GPR158: variants seen among roughly 807,000 people sequenced by gnomAD.
The protein encoded by GPR158 is G protein-coupled receptor 158.
A neutral mutation model predicts 78.2 loss-of-function variants in GPR158; 30 were observed. That is an observed-to-expected ratio of 0.38 (90% CI 0.29 to 0.52). GPR158 has a LOEUF of 0.52. GPR158 is among the 20% of genes least tolerant of loss of function. The probability of loss-of-function intolerance (pLI) is 0.83; values close to 1 mark genes in which losing one functional copy is unlikely to be tolerated. For missense variants in GPR158, 1,463 were observed against 1,523.5 expected, an observed-to-expected ratio of 0.96 and a Z score of 0.66; for synonymous variants, 581 against 591.1, an observed-to-expected ratio of 0.98 and a Z score of 0.25.
chr10:25,298,597 C>T (rs976046634), intron 2 of GPR158, among the ~76,000 whole-genome samples: 4 of 152,016 alleles, frequency 2.6e-5, no homozygotes, highest in African/African-American at 9.7e-5. Context: ...TTTATTTTTT[C>T]CTTTATCAGC....
intron 1 of GPR158, among the ~76,000 whole-genome samples, chr10:25,198,512 A>T (rs952715023): frequency 3.3e-5 from 5 of 152,180 alleles, no homozygotes; most frequent in Non-Finnish European, 7.3e-5. Flanking sequence ...GGATAGTTAC[A>T]TTCTTGGAAA....
intron 3 of GPR158, among the ~76,000 whole-genome samples, chr10:25,403,149 GC>G (rs905069660): frequency 6.6e-6 from 1 of 151,854 alleles, no homozygotes; most frequent in African/African-American, 2.4e-5. Context: ...TTGAATAAAT[GC>G]ACTGTGGTTT....
chr10:25,415,539 A>T (rs951494857), intron 4 of GPR158, among the ~76,000 whole-genome samples: 1 of 152,118 alleles, frequency 6.6e-6, no homozygotes, highest in East Asian at 1.9e-4. Context: ...ACTCTCATTC[A>T]TTCCTGTTGG....
rs1270659681 is a variant in GPR158 at position 25,372,172 on chromosome 10, T to C, written c.1009-23739T>C. Reference sequence around the variant, plus strand: ...ACCACAATGAGATACCATCTCATACTGGTTAGAATGGCAATCATTAAAAAG... The same window carrying C: ...ACCACAATGAGATACCATCTCATACCGGTTAGAATGGCAATCATTAAAAAG... On this transcript the variant is annotated intron_variant, in intron 2 of 10. Coordinates refer to ENST00000376351, the MANE Select transcript of GPR158 (RefSeq NM_020752.3). Among the ~76,000 whole-genome samples the C allele has an allele frequency of 1.8e-4, 27 of 151,936 alleles. No individual in the cohort carries two copies. In the South Asian group the frequency reaches 3.3e-3, roughly 19 times the overall value.
rs1834019210 is a variant in GPR158, at chr10:25,372,850, A to ATG, written c.1009-23061_1009-23060insTG. Among the ~76,000 whole-genome samples, 3 of 143,406 alleles carry ATG rather than the reference A, an allele frequency of 2.1e-5. No individual in the cohort carries two copies. The Admixed American group carries it at 2.1e-4, about 10-fold the overall frequency. The allele number at this position is 143,406 out of a possible 152,430, so 94.1% of individuals were successfully genotyped here. ...TTGTGCACATGTACCCTAAAACTTTAATAATAATAAAATAAATAAATAAAT... is the reference window on the plus strand; with the variant it reads ...TTGTGCACATGTACCCTAAAACTTTATGATAATAATAAAATAAATAAATAAAT... On this transcript the variant is annotated intron_variant, in intron 2 of 10. Transcript: ENST00000376351.
intron 4 of GPR158, among the ~76,000 whole-genome samples, chr10:25,437,727 G>T (rs1835016532): frequency 6.6e-6 from 1 of 152,128 alleles, no homozygotes; most frequent in African/African-American, 2.4e-5. Context: ...CTTCTCAGAG[G>T]TACATAAGTT....
chr10:25,302,530 G>T (rs2130450165), intron 2 of GPR158, among the ~76,000 whole-genome samples: 1 of 152,024 alleles, frequency 6.6e-6, no homozygotes, highest in South Asian at 2.1e-4. Context: ...TTCTAGGTAG[G>T]GTCTAGAATA....
intron 1 of GPR158, among the ~76,000 whole-genome samples, chr10:25,200,716 A>T (rs1327083605): frequency 1.3e-5 from 2 of 152,096 alleles, no homozygotes; most frequent in African/African-American, 4.8e-5. Context: ...TCTTCTGCAT[A>T]TTGCTAGCCA....
chr10:25,185,008 G>A (rs949064434), intron 1 of GPR158, among the ~76,000 whole-genome samples: 6 of 152,190 alleles, frequency 3.9e-5, no homozygotes, highest in African/African-American at 1.2e-4. Flanking sequence ...ACTGTAAGAT[G>A]TTCAGCAGCA....
intron 6 of GPR158, among the ~76,000 whole-genome samples, chr10:25,567,283 C>T (rs530140235): frequency 6.6e-6 from 1 of 152,148 alleles, no homozygotes; most frequent in Non-Finnish European, 1.5e-5. Flanking sequence ...AAGCGGTCAG[C>T]CTATTGGAAA....
chr10:25,280,755 G>A (rs970822467), intron 2 of GPR158, among the ~76,000 whole-genome samples: 4 of 152,114 alleles, frequency 2.6e-5, no homozygotes, highest in South Asian at 2.1e-4. Context: ...ACGTACATAC[G>A]TACATATTCT....
rs79621403 is a variant in GPR158, at chr10:25,307,052, G to A, written c.1008+85895G>A. On this transcript the variant is annotated intron_variant, in intron 2 of 10. Coordinates refer to ENST00000376351, the MANE Select transcript of GPR158 (RefSeq NM_020752.3). Reference sequence around the variant, plus strand: ...AGAGAGAGAGAGAGGGAAAGAGAGAGGAAAGAAAGAGAATAAGTAAGAACA... The same window carrying A: ...AGAGAGAGAGAGAGGGAAAGAGAGAAGAAAGAAAGAGAATAAGTAAGAACA... Among the ~76,000 whole-genome samples the A allele has an allele frequency of 5.9e-5, 9 of 151,322 alleles. No homozygotes were observed. In the East Asian group the frequency reaches 1.6e-3, roughly 26 times the overall value.
intron 1 of GPR158, among the ~76,000 whole-genome samples, chr10:25,192,542 T>C (rs1852786084): frequency 6.6e-6 from 1 of 152,192 alleles, no homozygotes; most frequent in South Asian, 2.1e-4. Flanking sequence ...TAGAAAGTTA[T>C]GTAACTCTGT....
intron 4 of GPR158, among the ~76,000 whole-genome samples, chr10:25,432,743 C>G (rs1045521959): frequency 6.6e-6 from 1 of 152,048 alleles, no homozygotes; most frequent in Non-Finnish European, 1.5e-5. Context: ...TATTCTTCTC[C>G]CTCACTCTCT....
intron 2 of GPR158, among the ~76,000 whole-genome samples, chr10:25,287,266 T>G (rs75242389): frequency 0.012 from 1,816 of 152,196 alleles, 25 homozygotes; most frequent in South Asian, 0.056. Context: ...TAGCTTCAGT[T>G]GATTTTCACT....
At chr10:25,217,895 C>T (rs976893212) in intron 1 of GPR158, among the ~76,000 whole-genome samples, 7 of 151,624 alleles carry the variant, frequency 4.6e-5, no homozygotes, top group Non-Finnish European at 8.8e-5. Flanking sequence ...TTTTTTTGAC[C>T]CTCACTTTCC....
Position 25,598,290 on chromosome 10 carries a change from G to A in GPR158, c.2664G>A (p.Glu888=), listed in dbSNP as rs758218153. ...CAAGCGCTCACAACCTCAGCTCAGA[G>A]AAGAAAACTGGGCACCCACGAACAT... The part of the protein sequence containing the change: ...KSASAHNLSS[E]KKTGHPRTSM... Residue 888 remains glutamate, a synonymous_variant, in exon 11 of 11, where the codon GAG becomes GAA. Coordinates refer to ENST00000376351, the MANE Select transcript of GPR158 (RefSeq NM_020752.3). The A allele has an allele frequency of 3.1e-6, 5 of 1,613,948 alleles. No homozygotes were observed. In the Admixed American group the frequency reaches 6.7e-5, roughly 22 times the overall value.
Position 25,430,183 on chromosome 10 carries a change from A to G in GPR158, c.1335+17710A>G, listed in dbSNP as rs1475396204. On this transcript the variant is annotated intron_variant, in intron 4 of 10. Coordinates refer to ENST00000376351, the MANE Select transcript of GPR158 (RefSeq NM_020752.3). ...CAAAGTCTCAGGATACAAAATCAAC[A>G]TGCAAAAATCACAAGCATTCTTATA... Among the ~76,000 whole-genome samples the G allele has an allele frequency of 2.6e-5, 4 of 152,258 alleles. No homozygotes were observed. The South Asian group carries it at 6.2e-4, about 24-fold the overall frequency.
chr10:25,352,642 T>C (rs551023117), intron 2 of GPR158, among the ~76,000 whole-genome samples: 1 of 152,182 alleles, frequency 6.6e-6, no homozygotes, highest in East Asian at 1.9e-4. Context: ...AAGCCTACCC[T>C]GGCATTAGAG....
Sources: gnomAD v4.1 joint callset for allele counts (sites outside exome capture counted in the v4.1 genomes callset) on GRCh38, gnomAD v4.1.1 for gene constraint, MANE v1.5 for transcripts, NCBI Gene and HGNC (gene_info 2026-07-23, HGNC 2026-07-21) for gene names.